Variants in ALDH1A1 observed in about 807,000 individuals in gnomAD.
ALDH1A1 encodes the protein aldehyde dehydrogenase 1 family member A1.
A neutral mutation model predicts 62.1 loss-of-function variants in ALDH1A1; 19 were observed. That is an observed-to-expected ratio of 0.31 (90% CI 0.21 to 0.45). The LOEUF (loss-of-function observed/expected upper bound fraction) is 0.45. Among genes scored for constraint, ALDH1A1 ranks in the 20% least tolerant of loss-of-function variants. The pLI is 1.00. For synonymous variants in ALDH1A1, 231 were observed against 215.9 expected, an observed-to-expected ratio of 1.07 and a Z score of -0.61; for missense variants, 521 against 607.1, an observed-to-expected ratio of 0.86 and a Z score of 1.49.
At chr9:72,902,158 A>T (rs1483724768) in intron 12 of ALDH1A1, among the ~76,000 whole-genome samples, 2 of 151,896 alleles carry the variant, frequency 1.3e-5, no homozygotes, top group Non-Finnish European at 2.9e-5. Context: ...GGATTTTGGG[A>T]TCTTGTTATC....
chr9:72,908,410 G>C (rs1476011925), intron 11 of ALDH1A1, among the ~76,000 whole-genome samples: 1 of 121,598 alleles, frequency 8.2e-6, no homozygotes, highest in Admixed American at 1.0e-4. Context: ...ACTCCAGCCT[G>C]GGTGACAGAG....
chr9:72,926,965 A>T (rs1830219741), intron 5 of ALDH1A1, 151 bp downstream of exon 5: 1 of 553,030 alleles, frequency 1.8e-6, no homozygotes, highest in African/African-American at 1.9e-5. Context: ...CAAGAAGTTT[A>T]GTCACAGGGA....
In ALDH1A1 at chr9:72,925,474, G is replaced by A; in HGVS notation, c.633+10C>T. The stretch of plus-strand genomic sequence containing the variant: ...AGTTCTTGAGCATATTTTGATTTCG[G>A]GAGACTTACCTCTTTTATTAAAGAT... On this transcript the variant is annotated intron_variant, in intron 6 of 12. Transcript: ENST00000297785. 1 of 1,610,628 alleles carries A rather than the reference G, an allele frequency of 6.2e-7. No homozygotes were observed. The highest frequency in any genetic ancestry group is 1.1e-5 in the South Asian group (1 of 90,392).
intron 9 of ALDH1A1, among the ~76,000 whole-genome samples, chr9:72,914,187 T>G (rs1379983967): frequency 6.6e-6 from 1 of 152,180 alleles, no homozygotes; most frequent in Non-Finnish European, 1.5e-5. Flanking sequence ...TTAGGCTTAA[T>G]GGGTTAAAGA....
chr9:72,947,477 C>G (rs1213613916), intron 1 of ALDH1A1, among the ~76,000 whole-genome samples: 1 of 151,952 alleles, frequency 6.6e-6, no homozygotes, highest in Non-Finnish European at 1.5e-5. Context: ...AGACTTCAGC[C>G]TAGATCTATT....
Position 72,923,990 on chromosome 9 carries a change from T to A in ALDH1A1, c.747+29A>T, listed in dbSNP as rs749305040. The A allele has an allele frequency of 3.4e-6, 5 of 1,482,956 alleles. No individual in the cohort carries two copies. The Admixed American group carries it at 1.0e-4, about 31-fold the overall frequency. The allele number at this position is 1,482,956 out of a possible 1,614,324, so 91.9% of individuals were successfully genotyped here. Reference sequence around the variant, plus strand: ...TCATAGCTGGCAATGCAGACATTCTTAACTTTTGCCCTGAGTAAATAATAT... The same window carrying A: ...TCATAGCTGGCAATGCAGACATTCTAAACTTTTGCCCTGAGTAAATAATAT... On this transcript the variant is annotated intron_variant, in intron 7 of 12. Transcript: ENST00000297785.
At chr9:72,940,378 A>G in intron 1 of ALDH1A1, 126 bp from the exon 2 acceptor site, 1 of 679,584 alleles carries the variant, frequency 1.5e-6, no homozygotes, top group Non-Finnish European at 2.6e-6. Context: ...ACCTCTCAAA[A>G]CTTTCTGGCT....
chr9:72,926,484 T>C (rs1052377045), intron 5 of ALDH1A1, among the ~76,000 whole-genome samples: 6 of 152,226 alleles, frequency 3.9e-5, no homozygotes, highest in Non-Finnish European at 1.5e-5. Flanking sequence ...ATCATTTAGA[T>C]AGTGTCCTGT....
At chr9:72,943,997 A>G (rs1374468696) in intron 1 of ALDH1A1, among the ~76,000 whole-genome samples, 2 of 152,108 alleles carry the variant, frequency 1.3e-5, no homozygotes, top group East Asian at 3.9e-4. Flanking sequence ...GGTTTGTAAC[A>G]CAGTAAACAG....
At chr9:72,918,858 T>G (rs1830097938) in intron 7 of ALDH1A1, 36 bp from the exon 8 acceptor site, 1 of 1,483,462 alleles carries the variant, frequency 6.7e-7, no homozygotes, top group African/African-American at 1.4e-5. Context: ...AGGCTTACCC[T>G]GCTCTCATGA....
At position 72,940,096 on chromosome 9, in the gene ALDH1A1, G is replaced by A. The variant is rs1378185303; in HGVS notation, c.171+52C>T. ...CAATGGGGTTCAGGAGCTCAGAATG[G>A]CAAAAAACCAAGAAACCTGGCATAA... On this transcript the variant is annotated intron_variant, in intron 2 of 12. Coordinates refer to ENST00000297785, the MANE Select transcript of ALDH1A1 (RefSeq NM_000689.5). 3.6e-6 allele frequency: 5 copies of A among 1,399,918 alleles called. No individual in the cohort carries two copies. The Admixed American group carries it at 5.1e-5, about 14-fold the overall frequency. 86.7% of individuals were successfully genotyped at this position (1,399,918 alleles called of 1,614,324 possible).
At chr9:72,935,669 C>T (rs1261645472) in intron 2 of ALDH1A1, among the ~76,000 whole-genome samples, 1 of 152,140 alleles carries the variant, frequency 6.6e-6, no homozygotes, top group Non-Finnish European at 1.5e-5. Context: ...GAAAAGAAAA[C>T]AGTTCCCACC....
chr9:72,918,705 GT>G lies in ALDH1A1; in HGVS notation c.850+14del. On this transcript the variant is annotated intron_variant, in intron 8 of 12. Coordinates refer to ENST00000297785, the MANE Select transcript of ALDH1A1 (RefSeq NM_000689.5). ...CGATGAAGGACGAAAAGTTAACAAA[GT>G]GGTTTCTACTCACAGTCGGCATCAG... The G allele has an allele frequency of 7.1e-7, 1 of 1,414,836 alleles. No homozygotes were observed. Among genetic ancestry groups the G allele is most frequent in the Non-Finnish European group, 9.4e-7 (1 of 1,063,172 alleles). The allele number at this position is 1,414,836 out of a possible 1,614,324, so 87.6% of individuals were successfully genotyped here.
intron 3 of ALDH1A1, among the ~76,000 whole-genome samples, chr9:72,929,272 C>T (rs918676045): frequency 1.3e-5 from 2 of 152,116 alleles, no homozygotes; most frequent in Non-Finnish European, 2.9e-5. Context: ...TGATGTTCTC[C>T]TGCTAACCAG....
intron 12 of ALDH1A1, among the ~76,000 whole-genome samples, chr9:72,902,986 G>A (rs1289967332): frequency 6.7e-6 from 1 of 149,358 alleles, no homozygotes; most frequent in Non-Finnish European, 1.5e-5. Flanking sequence ...AAAGGCACTA[G>A]TACCACATTA....
intron 1 of ALDH1A1, among the ~76,000 whole-genome samples, chr9:72,950,989 G>A (rs147585907): frequency 1.6e-4 from 25 of 151,848 alleles, no homozygotes; most frequent in African/African-American, 3.9e-4. Flanking sequence ...CATAACTGGC[G>A]TCCTCCCAAG....
In ALDH1A1 at chr9:72,911,551, A is replaced by G. The variant is rs1363224885; in HGVS notation, c.1200+407T>C. Among the ~76,000 whole-genome samples, 5 of 152,018 alleles carry G rather than the reference A, an allele frequency of 3.3e-5. No individual in the cohort carries two copies. The South Asian group carries it at 6.2e-4, about 19-fold the overall frequency. On this transcript the variant is annotated intron_variant, in intron 10 of 12. Transcript: ENST00000297785. ...CAAGCCCCTGGTAACCACCATTCCAATCTCTGCTTCTATGAGTTCTACTCT... is the reference window on the plus strand; with the variant it reads ...CAAGCCCCTGGTAACCACCATTCCAGTCTCTGCTTCTATGAGTTCTACTCT...
chr9:72,950,936 G>A (rs1393186887), intron 1 of ALDH1A1, among the ~76,000 whole-genome samples: 2 of 151,586 alleles, frequency 1.3e-5, no homozygotes, highest in Non-Finnish European at 2.9e-5. Flanking sequence ...CAAAAAATGC[G>A]AAGGCATTTG....
At chr9:72,924,227 T>A in intron 6 of ALDH1A1, 95 bp from the exon 7 acceptor site, 1 of 761,764 alleles carries the variant, frequency 1.3e-6, no homozygotes, top group Non-Finnish European at 2.1e-6. Flanking sequence ...GCCAACCTTA[T>A]GAGATGCTCT....
Sources: allele counts gnomAD v4.1 joint callset (sites outside exome capture counted in the v4.1 genomes callset), GRCh38; gene constraint gnomAD v4.1.1; transcripts MANE v1.5; gene names NCBI Gene and HGNC (gene_info 2026-07-23, HGNC 2026-07-21).